Variants in KPNB1 observed in about 807,000 individuals in gnomAD.
KPNB1 encodes importin subunit beta-1.
Under a neutral mutation model 113.0 loss-of-function variants are expected in KPNB1, and 7 were observed. That is an observed-to-expected ratio of 0.06 (90% confidence interval 0.04 to 0.12). The LOEUF (loss-of-function observed/expected upper bound fraction) is 0.12, where lower values mean the gene tolerates loss of function less well. KPNB1 is among the 10% of genes least tolerant of loss of function. The pLI, the probability that KPNB1 is intolerant of heterozygous loss-of-function variation, is 1.00. For synonymous variants in KPNB1, 363 were observed against 378.6 expected (o/e 0.96, Z 0.48); for missense variants, 400 against 1,054.8 (o/e 0.38, Z 8.60).
chr17:47,673,158 A>T lies in KPNB1; in HGVS notation c.1688A>T (p.Gln563Leu). Residue 563 changes from glutamine to leucine, a missense_variant, in exon 13 of 22, where the codon CAG becomes CTG. Coordinates refer to ENST00000290158, the MANE Select transcript of KPNB1 (RefSeq NM_002265.6). ...VIMERLQQVL[Q>L]MESHIQSTSD... ...ATGGAACGACTGCAACAGGTTCTTC[A>T]GATGGAGGTGAGACCTAAGAGTGCC... is the stretch of plus-strand genomic sequence containing the variant. 1.9e-6 allele frequency: 3 copies of T among 1,614,152 alleles called. No homozygotes were observed. The highest frequency in any genetic ancestry group is 2.5e-6 in the Non-Finnish European group (3 of 1,180,000).
intron 16 of KPNB1, among the ~76,000 whole-genome samples, chr17:47,676,807 C>CTTTTTTTT (rs10649330): frequency 2.6e-5 from 3 of 116,256 alleles, no homozygotes; most frequent in Non-Finnish European, 5.2e-5. Flanking sequence ...GAGAGCAAGG[C>CTTTTTTTT]TTTTTTTTTT....
At chr17:47,669,612 C>A in intron 10 of KPNB1, 66 bp from the exon 11 acceptor site, 1 of 1,206,640 alleles carries the variant, frequency 8.3e-7, no homozygotes, top group Non-Finnish European at 1.2e-6. Context: ...ATTTCTTTCT[C>A]TGGGGTAGTA....
rs557301452 is a variant in KPNB1, at chr17:47,653,066, T to C, written c.282+190T>C. On this transcript the variant is annotated intron_variant, in intron 3 of 21. Coordinates refer to ENST00000290158, the MANE Select transcript of KPNB1 (RefSeq NM_002265.6). ...CAGCTTGTCCATTCCCATTGATGGA[T>C]TGGAATTCTTTTTAGATGACTGAGG... Among the ~76,000 whole-genome samples, 5 of 152,282 alleles carry C rather than the reference T, an allele frequency of 3.3e-5. No homozygotes were observed. In the East Asian group the frequency reaches 9.6e-4, roughly 29 times the overall value.
intron 17 of KPNB1, 48 bp downstream of exon 17, chr17:47,677,175 C>A: frequency 7.3e-7 from 1 of 1,371,784 alleles, no homozygotes; most frequent in Non-Finnish European, 1.0e-6. Context: ...TTGAAGAAAA[C>A]AACAGTTGGA....
chr17:47,680,416 C>A, intron 20 of KPNB1, 92 bp from the exon 21 acceptor site: 2 of 1,421,210 alleles, frequency 1.4e-6, no homozygotes, highest in South Asian at 1.3e-5. Context: ...TTGAAATTTG[C>A]TAAGAAACCC....
intron 3 of KPNB1, among the ~76,000 whole-genome samples, chr17:47,655,408 C>T (rs11871606): frequency 6.6e-6 from 1 of 151,922 alleles, no homozygotes; most frequent in African/African-American, 2.4e-5. Context: ...TTCTTTGATT[C>T]TTGGGCAAAC....
intron 15 of KPNB1, 133 bp downstream of exon 15, chr17:47,674,915 C>T: frequency 2.3e-6 from 2 of 856,890 alleles, no homozygotes; most frequent in Non-Finnish European, 3.6e-6. Context: ...ATCGTGGGCT[C>T]ACATGATCCT....
At chr17:47,677,165 T>C (rs769453377) in intron 17 of KPNB1, 38 bp downstream of exon 17, 2 of 1,434,636 alleles carry the variant, frequency 1.4e-6, no homozygotes, top group East Asian at 4.6e-5. Context: ...CCAGTCTTCT[T>C]TGAAGAAAAC....
intron 10 of KPNB1, among the ~76,000 whole-genome samples, chr17:47,668,761 A>G (rs2030362892): frequency 6.6e-6 from 1 of 152,174 alleles, no homozygotes; most frequent in Non-Finnish European, 1.5e-5. Context: ...TTCATTTAAT[A>G]CTATGTTGTA....
At position 47,671,457 on chromosome 17, in the gene KPNB1, A is replaced by C. The variant is rs149988093; in HGVS notation, c.1547+625A>C. Among the ~76,000 whole-genome samples, 314 of 152,308 alleles carry C rather than the reference A, an allele frequency of 2.1e-3. 4 individuals are homozygous for C. Among genetic ancestry groups the C allele is most frequent in the African/African-American group, 7.2e-3 (298 of 41,554 alleles). ...TGACAGTTAACAGGAGTATTTGGTT[A>C]CAAGAGAAATGATAGTACTCATTAT... On this transcript the variant is annotated intron_variant, in intron 12 of 21. Coordinates refer to ENST00000290158, the MANE Select transcript of KPNB1 (RefSeq NM_002265.6).
intron 4 of KPNB1, 33 bp from the exon 5 acceptor site, chr17:47,658,475 T>A (rs1306906990): frequency 6.2e-7 from 1 of 1,601,142 alleles, no homozygotes; most frequent in Non-Finnish European, 8.5e-7. Context: ...GAGGGCTGAC[T>A]GTATATTCAT....
In KPNB1 at chr17:47,683,445, A is replaced by T. The variant is rs1202020867; in HGVS notation, c.*1041A>T. 1 of 152,550 alleles carries T rather than the reference A, an allele frequency of 6.6e-6. No individual in the cohort carries two copies. The highest frequency in any genetic ancestry group is 1.5e-5 in the Non-Finnish European group (1 of 68,026). 9.4% of individuals were successfully genotyped at this position (152,550 alleles called of 1,614,324 possible). On this transcript the variant is annotated 3_prime_UTR_variant, in exon 22 of 22. Transcript: ENST00000290158. ...TGATCAGAATTGGCAGCACAAAGAA[A>T]ACGCCCTCTCCTGACTTGTATTGTG...
At position 47,680,066 on chromosome 17, in the gene KPNB1, C is replaced by T; in HGVS notation, c.2400C>T (p.Phe800=). The part of the protein sequence containing the change: ...VQPRVEFILS[F]IDHIAGDEDH... ...CCAGAGTAGAATTTATTCTGTCTTT[C>T]ATTGACCACATTGCTGGAGATGAGG... The change falls in exon 20 of 22, where the codon TTC becomes TTT. Residue 800 remains phenylalanine (F), a synonymous_variant. Transcript: ENST00000290158. 3 of 1,613,920 alleles carry T rather than the reference C, an allele frequency of 1.9e-6. No individual in the cohort carries two copies. Among genetic ancestry groups the T allele is most frequent in the Non-Finnish European group, 2.5e-6 (3 of 1,179,784 alleles).
chr17:47,658,878 TA>T (rs2029994412), intron 5 of KPNB1, among the ~76,000 whole-genome samples: 1 of 152,184 alleles, frequency 6.6e-6, no homozygotes, highest in African/African-American at 2.4e-5. Context: ...TTTCTAAGCT[TA>T]GGTTTTTCCT....
chr17:47,663,980 A>G (rs150348307), intron 7 of KPNB1, among the ~76,000 whole-genome samples, 179 bp from the exon 8 acceptor site: 6,304 of 149,994 alleles, frequency 0.042, 241 homozygotes, highest in East Asian at 0.11. Context: ...GTGAGACCCC[A>G]TCACCAAAAA....
chr17:47,659,727 C>T (rs1168608039), intron 5 of KPNB1, among the ~76,000 whole-genome samples: 1 of 151,990 alleles, frequency 6.6e-6, no homozygotes, highest in Non-Finnish European at 1.5e-5. Flanking sequence ...TTCATACCAC[C>T]TTAGGAAGGT....
intron 9 of KPNB1, among the ~76,000 whole-genome samples, chr17:47,666,353 T>G (rs2030268360): frequency 1.3e-5 from 2 of 150,498 alleles, no homozygotes; most frequent in East Asian, 3.9e-4. Flanking sequence ...GTGCCTGGCC[T>G]ATAGTTGCTA....
chr17:47,652,948 T>C (rs1190765549), intron 3 of KPNB1, 72 bp downstream of exon 3: 16 of 1,184,416 alleles, frequency 1.4e-5, no homozygotes, highest in Non-Finnish European at 1.7e-5. Flanking sequence ...CTTTTGCTAT[T>C]TGCATGGGAT....
At position 47,682,507 on chromosome 17, in the gene KPNB1, A is replaced by C; in HGVS notation, c.*103A>C. On this transcript the variant is annotated 3_prime_UTR_variant, in exon 22 of 22. Transcript: ENST00000290158. The stretch of plus-strand genomic sequence containing the variant: ...TGTGCACGGATGCTGAATGTTTGGG[A>C]ATGAGAGGATGAGTGAGTGAGGCTT... 1 of 768,306 alleles carries C rather than the reference A, an allele frequency of 1.3e-6. No individual in the cohort carries two copies. Among genetic ancestry groups the C allele is most frequent in the Non-Finnish European group, 2.4e-6 (1 of 413,084 alleles). The allele number at this position is 768,306 out of a possible 1,614,324, so 47.6% of individuals were successfully genotyped here. A position where few individuals can be genotyped will look rare whatever the true frequency, so the allele number is the denominator to read the frequency against.
Sources: gnomAD v4.1 joint callset for allele counts (sites outside exome capture counted in the v4.1 genomes callset) on GRCh38, gnomAD v4.1.1 for gene constraint, MANE v1.5 for transcripts, NCBI Gene and HGNC (gene_info 2026-07-23, HGNC 2026-07-21) for gene names.